The following RPS6KA4 variants were observed in gnomAD, a reference collection of about 807,000 sequenced individuals.
RPS6KA4 encodes ribosomal protein S6 kinase A4, also known as ribosomal protein S6 kinase alpha-4.
A neutral mutation model predicts 89.6 loss-of-function variants in RPS6KA4; 38 were observed. The ratio of observed to expected loss-of-function variants is 0.42; its 90% CI spans 0.33 to 0.56. The LOEUF (loss-of-function observed/expected upper bound fraction) is 0.56, where lower values mean the gene tolerates loss of function less well. RPS6KA4 is among the 20% of genes least tolerant of loss of function. The pLI, the probability that RPS6KA4 is intolerant of heterozygous loss-of-function variation, is 0.07. For synonymous variants in RPS6KA4, 495 were observed against 492.8 expected (o/e 1.00, Z -0.06); for missense variants, 873 against 1,098.8 (o/e 0.79, Z 2.90).
rs922885886 is a variant in RPS6KA4, at chr11:64,365,633, A to G, written c.1071+168A>G. On this transcript the variant is annotated intron_variant, in intron 9 of 16. Transcript: ENST00000334205. ...GGACCTAGGGTTGTCAGTCACAGAG[A>G]CCACCCAGGCAGGATGTGTGTTTGA... 2.0e-5 allele frequency among the ~76,000 whole-genome samples: 3 copies of G among 152,216 alleles called. No homozygotes were observed. The East Asian group carries it at 5.8e-4, about 29-fold the overall frequency.
At chr11:64,368,628 G>A (rs1351034436) in intron 11 of RPS6KA4, 27 bp downstream of exon 11, 7 of 1,586,082 alleles carry the variant, frequency 4.4e-6, no homozygotes, top group African/African-American at 2.7e-5. Flanking sequence ...GCGGGCAGGG[G>A]TGGGGGTGGC....
chr11:64,364,462 C>T (rs2135333807), intron 8 of RPS6KA4, among the ~76,000 whole-genome samples: 1 of 152,258 alleles, frequency 6.6e-6, no homozygotes, highest in South Asian at 2.1e-4. Flanking sequence ...CTAAGGAAGA[C>T]AGGGAGAATG....
In RPS6KA4 at chr11:64,371,460, G is replaced by A. The variant is rs760060325; in HGVS notation, c.2299G>A (p.Gly767Ser). The change falls in exon 17 of 17, where the codon GGC becomes AGC. Residue 767 changes from glycine to serine, a missense_variant. By Grantham distance (56) the Gly-to-Ser change is moderately conservative. Coordinates refer to ENST00000334205, the MANE Select transcript of RPS6KA4 (RefSeq NM_003942.3). ...CAAAGGGGCCCCCCGCCGAGCCAAC[G>A]GCCCCCTGCCCCCCTCCTAATCCCC... ...ASKGAPRRAN[G>S]PLPPS The A allele has an allele frequency of 2.2e-5, 31 of 1,380,582 alleles. No individual in the cohort carries two copies. The Admixed American group carries it at 3.2e-4, about 14-fold the overall frequency. 85.5% of individuals were successfully genotyped at this position (1,380,582 alleles called of 1,614,324 possible). A position where few individuals can be genotyped will look rare whatever the true frequency, so the allele number is the denominator to read the frequency against.
At position 64,361,223 on chromosome 11, in the gene RPS6KA4, G is replaced by A; in HGVS notation, c.552G>A (p.Lys184=). 4 of 1,613,446 alleles carry A rather than the reference G, an allele frequency of 2.5e-6. No individual in the cohort carries two copies. The highest frequency in any genetic ancestry group is 1.7e-4 in the Middle Eastern group (1 of 6,054). ...TCCTCACGGACTTCGGGCTGAGCAA[G>A]GAGTTCCTGACGGAGGAGGTGAGTG... is the stretch of plus-strand genomic sequence containing the variant. The part of the protein sequence containing the change: ...HIVLTDFGLS[K]EFLTEEKERT... Residue 184 remains lysine, a synonymous_variant, in exon 5 of 17, where the codon AAG becomes AAA. Coordinates refer to ENST00000334205, the MANE Select transcript of RPS6KA4 (RefSeq NM_003942.3). This position sits in a 1 kb window ranked among gnomAD's most constrained non-coding sequence, Gnocchi z 4.7.
intron 2 of RPS6KA4, 63 bp downstream of exon 2, chr11:64,359,512 C>G: frequency 6.4e-7 from 1 of 1,560,880 alleles, no homozygotes; most frequent in South Asian, 1.1e-5. Flanking sequence ...CCTGCCTGCT[C>G]ACTCTTGGGC....
chr11:64,360,091 C>A, intron 2 of RPS6KA4, 72 bp from the exon 3 acceptor site: 2 of 1,411,864 alleles, frequency 1.4e-6, no homozygotes, highest in Non-Finnish European at 9.5e-7. Context: ...GGGTTGGCAT[C>A]GCCCCCACCC....
chr11:64,364,093 G>A (rs149537188), intron 8 of RPS6KA4, among the ~76,000 whole-genome samples: 3 of 151,694 alleles, frequency 2.0e-5, no homozygotes, highest in Admixed American at 2.0e-4. Flanking sequence ...GGCTGCCGCA[G>A]TGTCTTCACA....
chr11:64,361,707 C>T lies in RPS6KA4; in HGVS notation c.717C>T (p.Thr239=). 6.2e-7 allele frequency: 1 copy of T among 1,611,108 alleles called. No individual in the cohort carries two copies. Among genetic ancestry groups the T allele is most frequent in the African/African-American group, 1.3e-5 (1 of 74,830 alleles). ...TGCTGACGGGGGCCTCGCCCTTCAC[C>T]CTGGAGGGCGAGAGGAACACGCAGG... is the stretch of plus-strand genomic sequence containing the variant. ...FELLTGASPF[T]LEGERNTQAE... Residue 239 remains threonine, a synonymous_variant, in exon 7 of 17, where the codon ACC becomes ACT. Transcript: ENST00000334205. The surrounding 1 kb of genome is among the most constrained non-coding windows in gnomAD (Gnocchi z 4.7).
Position 64,368,598 on chromosome 11 carries a change from G to A in RPS6KA4, c.1331G>A (p.Arg444His). ...GQEFAVKILS[R>H]RLEANTQREV... ...GAGTTCGCAGTCAAGATCCTCAGTC[G>A]CAGGTGGGAGGGCCCAGGCGCGGGC... is the stretch of plus-strand genomic sequence containing the variant. Residue 444 changes from arginine (R) to histidine (H), a missense_variant, in exon 11 of 17, where the codon CGC (arginine) becomes CAC (histidine). Coordinates refer to ENST00000334205, the MANE Select transcript of RPS6KA4 (RefSeq NM_003942.3). The A allele has an allele frequency of 2.5e-6, 4 of 1,598,956 alleles. No individual in the cohort carries two copies. The highest frequency in any genetic ancestry group is 1.3e-5 in the African/African-American group (1 of 74,906).
At position 64,370,517 on chromosome 11, in the gene RPS6KA4, G is replaced by A. The variant is rs532954426; in HGVS notation, c.1958-46G>A. The A allele has an allele frequency of 6.3e-7, 1 of 1,591,552 alleles. No individual in the cohort carries two copies. The highest frequency in any genetic ancestry group is 2.3e-5 in the East Asian group (1 of 44,232). On this transcript the variant is annotated intron_variant, in intron 15 of 16. Coordinates refer to ENST00000334205, the MANE Select transcript of RPS6KA4 (RefSeq NM_003942.3). The surrounding 1 kb of genome is among the most constrained non-coding windows in gnomAD (Gnocchi z 4.1). ...GCTGTTACGATCTCTTTGGGGCTCA[G>A]CCTTTACGCCAGGCTCCTCCCCACA...
chr11:64,370,790 G>C lies in RPS6KA4; in HGVS notation c.2121+64G>C. 1 of 1,447,700 alleles carries C rather than the reference G, an allele frequency of 6.9e-7. No individual in the cohort carries two copies. The allele number at this position is 1,447,700 out of a possible 1,614,324, so 89.7% of individuals were successfully genotyped here. A position where few individuals can be genotyped will look rare whatever the true frequency, so the allele number is the denominator to read the frequency against. ...AGCCTCGAGAGGTGGGGTCTGGGGA[G>C]GCCCGGCCATCGGAGCACAGAAAGG... On this transcript the variant is annotated intron_variant, in intron 16 of 16. Transcript: ENST00000334205. This position sits in a 1 kb window ranked among gnomAD's most constrained non-coding sequence, Gnocchi z 4.1.
intron 3 of RPS6KA4, 40 bp downstream of exon 3, chr11:64,360,421 G>A (rs1444067462): frequency 6.4e-7 from 1 of 1,573,710 alleles, no homozygotes. Flanking sequence ...GGGGTGGCTG[G>A]GGGCAGGCGA....
rs1192359059 is a variant in RPS6KA4 at position 64,359,256 on chromosome 11, T to C, written c.21T>C (p.Asp7=). The change falls in exon 1 of 17, where the codon GAT becomes GAC. Residue 7 remains aspartate, a synonymous_variant. Transcript: ENST00000334205. MGDEDD[D]ESCAVELRIT... ...CCGCCATGGGGGACGAGGACGACGA[T>C]GAGAGCTGCGCCGTGGAGCTGCGGA... is the stretch of plus-strand genomic sequence containing the variant. 7 of 1,458,446 alleles carry C rather than the reference T, an allele frequency of 4.8e-6. No homozygotes were observed. The highest frequency in any genetic ancestry group is 2.8e-5 in the East Asian group (1 of 35,694). The allele number at this position is 1,458,446 out of a possible 1,614,324, so 90.3% of individuals were successfully genotyped here.
At chr11:64,359,674 C>G (rs921060299) in intron 2 of RPS6KA4, 33 of 581,910 alleles carry the variant, frequency 5.7e-5, no homozygotes, top group African/African-American at 5.5e-4. Context: ...GTGCATACCC[C>G]CCTGGATTTG....
chr11:64,360,391 C>CACCA lies in RPS6KA4; in HGVS notation c.346+11_346+14dup, dbSNP rs1300259001. The CACCA allele has an allele frequency of 6.4e-6, 10 of 1,554,200 alleles. No individual in the cohort carries two copies. The highest frequency in any genetic ancestry group is 8.7e-6 in the Non-Finnish European group (10 of 1,148,608). On this transcript the variant is annotated intron_variant, in intron 3 of 16. Coordinates refer to ENST00000334205, the MANE Select transcript of RPS6KA4 (RefSeq NM_003942.3). ...CTGCACCTCATCCTGGGTGAGCGCA[C>CACCA]ACCACATCCCAACGGGGTTGGGGTG... is the stretch of plus-strand genomic sequence containing the variant.
At position 64,365,493 on chromosome 11, in the gene RPS6KA4, G is replaced by A. The variant is rs756278215; in HGVS notation, c.1071+28G>A. On this transcript the variant is annotated intron_variant, in intron 9 of 16. Transcript: ENST00000334205. ...GAGGGGAAACTCATGGAACCCAGATGCAGGAGAGATGAGATGTTGCTGTCT... is the reference window on the plus strand; with the variant it reads ...GAGGGGAAACTCATGGAACCCAGATACAGGAGAGATGAGATGTTGCTGTCT... The A allele has an allele frequency of 6.8e-6, 11 of 1,612,384 alleles. No homozygotes were observed. The Admixed American group carries it at 1.0e-4, about 15-fold the overall frequency.
chr11:64,369,815 G>A lies in RPS6KA4; in HGVS notation c.1719G>A (p.Leu573=). 6.2e-7 allele frequency: 1 copy of A among 1,601,704 alleles called. No homozygotes were observed. The highest frequency in any genetic ancestry group is 8.5e-7 in the Non-Finnish European group (1 of 1,175,120). The change falls in exon 14 of 17, where the codon CTG becomes CTA. Residue 573 remains leucine (L), a synonymous_variant. Transcript: ENST00000334205. ...GVPMQTPCFT[L]QYAAPELLAQ... Reference sequence around the variant, plus strand: ...CCATGCAGACGCCCTGCTTCACGCTGCAGTACGCTGCCCCCGAGCTGCTGG... The same window carrying A: ...CCATGCAGACGCCCTGCTTCACGCTACAGTACGCTGCCCCCGAGCTGCTGG...
Position 64,361,405 on chromosome 11 carries a change from C to T in RPS6KA4, c.571-64C>T, listed in dbSNP as rs970217822. 1.7e-5 allele frequency: 27 copies of T among 1,574,140 alleles called. No individual in the cohort carries two copies. In the South Asian group the frequency reaches 1.8e-4, roughly 10 times the overall value. ...CAAGTTGAGCGAGTCTTACTCTGGGCCTTGTGGGGCACTGGGGCACAGGAG... is the reference window on the plus strand; with the variant it reads ...CAAGTTGAGCGAGTCTTACTCTGGGTCTTGTGGGGCACTGGGGCACAGGAG... On this transcript the variant is annotated intron_variant, in intron 5 of 16. Transcript: ENST00000334205. This position sits in a 1 kb window ranked among gnomAD's most constrained non-coding sequence, Gnocchi z 4.7.
At chr11:64,369,645 G>T (rs770979745) in intron 13 of RPS6KA4, 26 bp downstream of exon 13, 5 of 1,601,228 alleles carry the variant, frequency 3.1e-6, no homozygotes, top group South Asian at 1.1e-5. Flanking sequence ...CGGCGGCGGG[G>T]CGGAGCGGTG....
Sources: gnomAD v4.1 joint callset for allele counts (sites outside exome capture counted in the v4.1 genomes callset) on GRCh38, gnomAD v4.1.1 for gene constraint, Gnocchi (gnomAD v3.1) non-coding constraint, MANE v1.5 for transcripts, NCBI Gene and HGNC (gene_info 2026-07-23, HGNC 2026-07-21) for gene names.